Variants in ARHGEF28 observed in about 807,000 individuals in gnomAD.
ARHGEF28 encodes Rho guanine nucleotide exchange factor 28.
ARHGEF28 carries 152 observed loss-of-function variants against 206.6 expected under a neutral mutation model. That is an observed-to-expected ratio of 0.74 (90% CI 0.64 to 0.84). The LOEUF is 0.84. ARHGEF28 is among the 40% of genes least tolerant of loss of function. The pLI, the probability that ARHGEF28 is intolerant of heterozygous loss-of-function variation, is 0.00. For missense variants in ARHGEF28, 2,028 were observed against 2,073.2 expected, an observed-to-expected ratio of 0.98 and a Z score of 0.42; for synonymous variants, 763 against 776.4, an observed-to-expected ratio of 0.98 and a Z score of 0.29.
intron 1 of ARHGEF28, among the ~76,000 whole-genome samples, chr5:73,655,512 G>A (rs980086484): frequency 1.7e-4 from 26 of 152,314 alleles, no homozygotes; most frequent in South Asian, 2.1e-4. Context: ...TGTAAGAAGA[G>A]GGTTAAAATT....
At chr5:73,767,391 G>T (rs895811912) in intron 4 of ARHGEF28, among the ~76,000 whole-genome samples, 5 of 152,172 alleles carry the variant, frequency 3.3e-5, no homozygotes, top group African/African-American at 1.2e-4. Context: ...ACTTCCTAGA[G>T]ACTTGTTGAA....
intron 13 of ARHGEF28, among the ~76,000 whole-genome samples, chr5:73,851,414 T>G (rs1238099532): frequency 6.6e-6 from 1 of 152,104 alleles, no homozygotes; most frequent in Non-Finnish European, 1.5e-5. Context: ...GTCTTTTTTT[T>G]TTTTTTGAGC....
intron 35 of ARHGEF28, among the ~76,000 whole-genome samples, chr5:73,938,097 A>C (rs1217884280): frequency 6.7e-6 from 1 of 149,870 alleles, no homozygotes; most frequent in Non-Finnish European, 1.5e-5. Context: ...CTCACCTAGG[A>C]ATGTGTTTCT....
intron 1 of ARHGEF28, among the ~76,000 whole-genome samples, chr5:73,664,740 A>G (rs1745837518): frequency 6.6e-6 from 1 of 152,148 alleles, no homozygotes; most frequent in African/African-American, 2.4e-5. Context: ...AACTCCCTTG[A>G]TTAACTCATT....
rs76493105 is a variant in ARHGEF28, at chr5:73,756,100, T to C, written c.475+2898T>C. Reference sequence around the variant, plus strand: ...CTTGGGCAAGGTATTTTAGTTCTGGTGCTGCACATTTTTAATTTCTACAAT... The same window carrying C: ...CTTGGGCAAGGTATTTTAGTTCTGGCGCTGCACATTTTTAATTTCTACAAT... On this transcript the variant is annotated intron_variant, in intron 4 of 35. Transcript: ENST00000513042. 6.7e-3 allele frequency among the ~76,000 whole-genome samples: 1,026 copies of C among 152,328 alleles called. 6 individuals are homozygous for C. The highest frequency in any genetic ancestry group is 0.016 in the African/African-American group (668 of 41,572).
chr5:73,833,698 G>A (rs940226482), intron 10 of ARHGEF28, among the ~76,000 whole-genome samples: 2 of 152,132 alleles, frequency 1.3e-5, no homozygotes, highest in African/African-American at 2.4e-5. Context: ...AATTTCTAAA[G>A]AAAAGAGGTT....
chr5:73,695,077 C>G (rs2112272146), intron 2 of ARHGEF28, among the ~76,000 whole-genome samples: 2 of 152,146 alleles, frequency 1.3e-5, no homozygotes, highest in South Asian at 4.1e-4. Flanking sequence ...AGCACGAAGG[C>G]CCTGGAGTGG....
In ARHGEF28 at chr5:73,806,747, AT is replaced by A. The variant is rs202179555; in HGVS notation, c.1024+11357del. ...TATCGTATACATCTATATGTACCAT[AT>A]ATACGATATATCGTATACATCTATA... On this transcript the variant is annotated intron_variant, in intron 9 of 35. Transcript: ENST00000513042. Among the ~76,000 whole-genome samples, 152 of 132,852 alleles carry A rather than the reference AT, an allele frequency of 1.1e-3. 15 individuals are homozygous for A. The East Asian group carries it at 0.028, about 24-fold the overall frequency. The allele number at this position is 132,852 out of a possible 152,430, so 87.2% of individuals were successfully genotyped here. A position where few individuals can be genotyped will look rare whatever the true frequency, so the allele number is the denominator to read the frequency against.
At chr5:73,690,993 G>A (rs1172467252) in intron 2 of ARHGEF28, among the ~76,000 whole-genome samples, 1 of 151,854 alleles carries the variant, frequency 6.6e-6, no homozygotes, top group Non-Finnish European at 1.5e-5. Context: ...AGTGTAGTGC[G>A]ATCTTGGCTC....
At chr5:73,725,981 C>T (rs764351224) in intron 2 of ARHGEF28, among the ~76,000 whole-genome samples, 7 of 152,164 alleles carry the variant, frequency 4.6e-5, no homozygotes, top group Non-Finnish European at 1.0e-4. Context: ...AATAAAATTC[C>T]TGTCAGGGTC....
chr5:73,915,906 A>G (rs1401643650), intron 35 of ARHGEF28, among the ~76,000 whole-genome samples: 1 of 152,246 alleles, frequency 6.6e-6, no homozygotes, highest in Non-Finnish European at 1.5e-5. Context: ...GCTAAAATGT[A>G]AGTCAAGCCA....
At chr5:73,669,069 A>C (rs1266318516) in intron 1 of ARHGEF28, among the ~76,000 whole-genome samples, 3 of 152,194 alleles carry the variant, frequency 2.0e-5, no homozygotes, top group African/African-American at 7.2e-5. Flanking sequence ...ATTTGCCCAT[A>C]AGTGGCATAT....
chr5:73,637,250 A>G (rs903702301), intron 1 of ARHGEF28, among the ~76,000 whole-genome samples: 1 of 152,158 alleles, frequency 6.6e-6, no homozygotes, highest in African/African-American at 2.4e-5. Flanking sequence ...AGCTAAAATA[A>G]GAACTTATAT....
intron 6 of ARHGEF28, among the ~76,000 whole-genome samples, chr5:73,779,894 A>G (rs766528396): frequency 8.5e-5 from 13 of 152,172 alleles, no homozygotes; most frequent in Non-Finnish European, 1.6e-4. Context: ...ATTGTTCCTA[A>G]GTAGTCAAAG....
intron 11 of ARHGEF28, among the ~76,000 whole-genome samples, chr5:73,845,068 A>G (rs1294948089): frequency 1.6e-5 from 2 of 123,010 alleles, no homozygotes; most frequent in African/African-American, 3.2e-5. Flanking sequence ...CCCAGGCTGG[A>G]GTGCAGTGGT....
rs1237235446 is a variant in ARHGEF28, at chr5:73,854,380, G to A, written c.1790+1688G>A. Among the ~76,000 whole-genome samples the A allele has an allele frequency of 2.0e-5, 3 of 152,138 alleles. No homozygotes were observed. The East Asian group carries it at 5.8e-4, about 29-fold the overall frequency. On this transcript the variant is annotated intron_variant, in intron 14 of 35. Transcript: ENST00000513042. ...AGACACTCTGTTCTAATTTCTTAAA[G>A]ATTATATGGCATGACTTGATTATTT...
At chr5:73,677,807 T>C (rs1435676606) in intron 1 of ARHGEF28, among the ~76,000 whole-genome samples, 2 of 152,308 alleles carry the variant, frequency 1.3e-5, no homozygotes, top group East Asian at 3.9e-4. Context: ...TGGAAATACT[T>C]TGGTTTTTTT....
At chr5:73,698,497 T>TGG (rs1160091364) in intron 2 of ARHGEF28, among the ~76,000 whole-genome samples, 3 of 152,120 alleles carry the variant, frequency 2.0e-5, no homozygotes, top group Non-Finnish European at 4.4e-5. Flanking sequence ...AATGACTGTA[T>TGG]GACCATTTTG....
At chr5:73,823,668 C>G (rs1756727087) in intron 9 of ARHGEF28, among the ~76,000 whole-genome samples, 1 of 152,196 alleles carries the variant, frequency 6.6e-6, no homozygotes, top group Non-Finnish European at 1.5e-5. Flanking sequence ...GCGAACATAC[C>G]TAGGTACAAG....
Sources: gnomAD v4.1 joint callset for allele counts (sites outside exome capture counted in the v4.1 genomes callset) on GRCh38, gnomAD v4.1.1 for gene constraint, MANE v1.5 for transcripts, NCBI Gene and HGNC (gene_info 2026-07-23, HGNC 2026-07-21) for gene names.